The following UNC80 variants were observed in gnomAD, a reference collection of about 807,000 sequenced individuals.
The protein encoded by UNC80 is protein unc-80 homolog.
Under a neutral mutation model 384.6 loss-of-function variants are expected in UNC80, and 164 were observed. The observed-to-expected ratio is 0.43, with a 90% CI of 0.38 to 0.49. The LOEUF is 0.49. UNC80 is among the 20% of genes least tolerant of loss of function. The pLI, the probability that UNC80 is intolerant of heterozygous loss-of-function variation, is 0.00. For synonymous variants in UNC80, 1,486 were observed against 1,527.8 expected (o/e 0.97, Z 0.64); for missense variants, 3,330 against 4,143.0 (o/e 0.80, Z 5.39).
At chr2:209,871,756 A>C (rs1423137081) in intron 22 of UNC80, among the ~76,000 whole-genome samples, 1 of 151,506 alleles carries the variant, frequency 6.6e-6, no homozygotes, top group Non-Finnish European at 1.5e-5. Context: ...AGATTTCAGT[A>C]GAGTATTTGA....
chr2:209,972,617 AG>A (rs2092912906), intron 55 of UNC80, among the ~76,000 whole-genome samples: 1 of 152,246 alleles, frequency 6.6e-6, no homozygotes, highest in African/African-American at 2.4e-5. Context: ...TATTCGTTGA[AG>A]TACAATATAA....
chr2:209,848,172 G>T (rs2082289760), intron 21 of UNC80, among the ~76,000 whole-genome samples: 1 of 151,960 alleles, frequency 6.6e-6, no homozygotes, highest in Non-Finnish European at 1.5e-5. Context: ...TGAAAACAAG[G>T]CTCTCCTGGA....
intron 62 of UNC80, 108 bp downstream of exon 62, chr2:209,992,355 A>T (rs1274025524): frequency 9.4e-7 from 1 of 1,061,214 alleles, no homozygotes; most frequent in African/African-American, 1.6e-5. Context: ...CGTGCCCGGA[A>T]TCCCAGCTAC....
intron 29 of UNC80, among the ~76,000 whole-genome samples, chr2:209,912,359 T>G (rs1407452906): frequency 6.6e-6 from 1 of 152,208 alleles, no homozygotes; most frequent in Non-Finnish European, 1.5e-5. Flanking sequence ...TCAATATCTC[T>G]AAGCTAATTT....
At chr2:209,905,221 G>T (rs541836770) in intron 29 of UNC80, among the ~76,000 whole-genome samples, 77 of 152,218 alleles carry the variant, frequency 5.1e-4, no homozygotes, top group African/African-American at 1.8e-3. Context: ...TGACGATGAC[G>T]AATAAGTTAT....
At chr2:209,955,580 A>AATAGTTTTCTATGCT (rs2092366308) in intron 48 of UNC80, among the ~76,000 whole-genome samples, 1 of 150,882 alleles carries the variant, frequency 6.6e-6, no homozygotes, top group Non-Finnish European at 1.5e-5. Flanking sequence ...CCTAAAGAGA[A>AATAGTTTTCTATGCT]ATGAAAGACT....
At chr2:209,895,653 G>T (rs1378967229) in intron 27 of UNC80, among the ~76,000 whole-genome samples, 1 of 152,182 alleles carries the variant, frequency 6.6e-6, no homozygotes, top group Admixed American at 6.5e-5. Flanking sequence ...ACATTGTTTT[G>T]TCATTAAAAA....
chr2:209,866,527 C>CAGAGAGAG (rs1553556925), intron 22 of UNC80, among the ~76,000 whole-genome samples: 3 of 90,942 alleles, frequency 3.3e-5, no homozygotes, highest in Non-Finnish European at 7.0e-5. Flanking sequence ...CACACACACA[C>CAGAGAGAG]ACACACAGAG....
chr2:209,925,609 T>C (rs2090372090), intron 35 of UNC80, among the ~76,000 whole-genome samples: 1 of 152,194 alleles, frequency 6.6e-6, no homozygotes, highest in South Asian at 2.1e-4. Context: ...AGAGCGCTGA[T>C]TGGTCCATTT....
In UNC80 at chr2:209,881,059, T is replaced by C. The variant is rs61745161; in HGVS notation, c.4075T>C (p.Ser1359Pro). ...TACCACCTTCCTGCGAGAGACCTTT[T>C]CTTGCCTGCCCAGACCTCGCACTGA... ...EITTFLRETF[S>P]CLPRPRTEPL... The change falls in exon 25 of 65, where the codon TCT (serine) becomes CCT (proline). Residue 1359 changes from serine (S) to proline (P), a missense_variant. This residue lies in a region of UNC80 where 801 missense variants were observed against 950.8 expected (regional missense o/e 0.84). Coordinates refer to ENST00000673920, the MANE Select transcript of UNC80 (RefSeq NM_001371986.1). 130 of 1,551,746 alleles carry C rather than the reference T, an allele frequency of 8.4e-5. 1 individual carries two copies. In the African/African-American group the frequency reaches 1.4e-3, roughly 16 times the overall value.
chr2:209,817,060 G>A lies in UNC80; in HGVS notation c.1487G>A (p.Ser496Asn). The change falls in exon 10 of 65, where the codon AGT (serine) becomes AAT (asparagine). Residue 496 changes from serine to asparagine, a missense_variant. Physicochemically the swap from Ser to Asn is conservative, Grantham distance 46. Around this residue, in one of 8 missense-constraint regions of UNC80, gnomAD observed 937 missense variants for 1,026.8 expected, o/e 0.91. Coordinates refer to ENST00000673920, the MANE Select transcript of UNC80 (RefSeq NM_001371986.1). ...SPTRSTFSFGSFSGLGEDRRG... is the reference protein window; with the variant it reads ...SPTRSTFSFGNFSGLGEDRRG... ...ACGCGCAGCACATTCTCCTTTGGAA[G>A]TTTCTCTGGGCTGGGAGAAGACAGG... is the stretch of plus-strand genomic sequence containing the variant. 6.4e-7 allele frequency: 1 copy of A among 1,551,780 alleles called. No individual in the cohort carries two copies. The highest frequency in any genetic ancestry group is 8.7e-7 in the Non-Finnish European group (1 of 1,147,016).
intron 6 of UNC80, among the ~76,000 whole-genome samples, chr2:209,791,466 T>C (rs1457716273): frequency 2.0e-5 from 3 of 152,152 alleles, no homozygotes; most frequent in East Asian, 3.9e-4. Flanking sequence ...CTCTAACTTA[T>C]AGTGCCTGCT....
At chr2:209,937,776 C>T in intron 42 of UNC80, 146 bp downstream of exon 42, 1 of 621,626 alleles carries the variant, frequency 1.6e-6, no homozygotes, top group Non-Finnish European at 2.9e-6. Flanking sequence ...CAAATTATTC[C>T]CCTAAATAGT....
rs2153827821 is a variant in UNC80, at chr2:209,820,475, G to A, written c.2127G>A (p.Lys709=). ...SENKENETLE[K]RPSEGAFQFK... Reference sequence around the variant, plus strand: ...ACAAGGAAAATGAGACCTTGGAAAAGAGGCCAAGTGAGGGAGCTTTCCAAT... The same window carrying A: ...ACAAGGAAAATGAGACCTTGGAAAAAAGGCCAAGTGAGGGAGCTTTCCAAT... The change falls in exon 13 of 65, where the codon AAG becomes AAA. Residue 709 remains lysine (K), a synonymous_variant. Coordinates refer to ENST00000673920, the MANE Select transcript of UNC80 (RefSeq NM_001371986.1). The A allele has an allele frequency of 1.3e-6, 2 of 1,551,686 alleles. No individual in the cohort carries two copies. The highest frequency in any genetic ancestry group is 2.7e-5 in the African/African-American group (2 of 73,152).
chr2:209,919,805 C>T (rs975936020), intron 33 of UNC80, among the ~76,000 whole-genome samples: 1 of 152,214 alleles, frequency 6.6e-6, no homozygotes, highest in Non-Finnish European at 1.5e-5. Context: ...GAACCACCAA[C>T]ATAAAGTTAT....
intron 28 of UNC80, among the ~76,000 whole-genome samples, chr2:209,903,169 T>C (rs2087623711): frequency 6.6e-6 from 1 of 151,048 alleles, no homozygotes; most frequent in Non-Finnish European, 1.5e-5. Context: ...TTCCCAAAAA[T>C]GTCTGTGCAT....
Position 209,918,414 on chromosome 2 carries a change from C to CTG in UNC80, c.5212-113_5212-112dup, listed in dbSNP as rs1455832833. The CTG allele has an allele frequency of 4.1e-5, 49 of 1,194,380 alleles. No individual in the cohort carries two copies. In the East Asian group the frequency reaches 1.2e-3, roughly 30 times the overall value. 74.0% of individuals were successfully genotyped at this position (1,194,380 alleles called of 1,614,324 possible). A position where few individuals can be genotyped will look rare whatever the true frequency, so the allele number is the denominator to read the frequency against. On this transcript the variant is annotated intron_variant, in intron 32 of 64. Coordinates refer to ENST00000673920, the MANE Select transcript of UNC80 (RefSeq NM_001371986.1). ...CCCTTTTCTAAAATTCTTGTTCATT[C>CTG]TGTGTGAAGTCACTTGGATGATTAA... is the stretch of plus-strand genomic sequence containing the variant.
intron 23 of UNC80, among the ~76,000 whole-genome samples, chr2:209,876,738 A>G (rs2084819479): frequency 6.6e-6 from 1 of 152,146 alleles, no homozygotes; most frequent in African/African-American, 2.4e-5. Flanking sequence ...TACGATTTGT[A>G]TCATTTGCTT....
intron 8 of UNC80, among the ~76,000 whole-genome samples, chr2:209,814,696 T>C (rs932263192): frequency 6.6e-6 from 1 of 152,198 alleles, no homozygotes; most frequent in African/African-American, 2.4e-5. Flanking sequence ...AATGACCTAA[T>C]ACCAGCTTGA....
Sources: allele counts gnomAD v4.1 joint callset (sites outside exome capture counted in the v4.1 genomes callset), GRCh38; gene constraint gnomAD v4.1.1; regional missense constraint gnomAD v4.1.1; transcripts MANE v1.5; gene names NCBI Gene and HGNC (gene_info 2026-07-23, HGNC 2026-07-21).